The following SLC30A9 variants were observed in gnomAD, a reference collection of about 807,000 sequenced individuals.
The protein encoded by SLC30A9 is proton-coupled zinc antiporter SLC30A9, mitochondrial.
In SLC30A9, 58 loss-of-function variants were observed where a neutral mutation model predicts 87.5. The observed-to-expected ratio is 0.66, with a 90% CI of 0.54 to 0.82. SLC30A9 has a LOEUF of 0.82. SLC30A9 is among the 40% of genes least tolerant of loss of function. SLC30A9 has a pLI of 0.00. For synonymous variants in SLC30A9, 234 were observed against 233.0 expected (o/e 1.00, Z -0.04); for missense variants, 557 against 679.1 (o/e 0.82, Z 2.00).
At chr4:42,002,288 G>T (rs544181535) in intron 2 of SLC30A9, among the ~76,000 whole-genome samples, 3 of 151,688 alleles carry the variant, frequency 2.0e-5, no homozygotes, top group Non-Finnish European at 2.9e-5. Context: ...TTCAACTTTT[G>T]TTTAGATTCA....
chr4:42,029,497 C>A, intron 6 of SLC30A9: 1 of 672,258 alleles, frequency 1.5e-6, no homozygotes, highest in South Asian at 1.6e-5. Flanking sequence ...TCCTAATGAT[C>A]CCAAGCACTG....
At chr4:42,018,514 T>G in intron 3 of SLC30A9, 1 of 922,242 alleles carries the variant, frequency 1.1e-6, no homozygotes, top group Non-Finnish European at 1.4e-6. Flanking sequence ...AGGTAGAGTT[T>G]GGCCGTTATT....
chr4:42,070,096 C>A (rs2153140553), intron 14 of SLC30A9: 1 of 153,846 alleles, frequency 6.5e-6, no homozygotes, highest in African/African-American at 2.4e-5. Flanking sequence ...GGGCTTAATT[C>A]TCTTACAGAA....
intron 2 of SLC30A9, among the ~76,000 whole-genome samples, chr4:42,016,792 A>G (rs1394220976): frequency 1.7e-5 from 1 of 57,254 alleles, no homozygotes; most frequent in Non-Finnish European, 3.5e-5. Context: ...TGAATATAAC[A>G]TGGTCTATCT....
At chr4:42,008,304 G>T (rs570816736) in intron 2 of SLC30A9, among the ~76,000 whole-genome samples, 11 of 152,268 alleles carry the variant, frequency 7.2e-5, no homozygotes, top group Middle Eastern at 3.4e-3. Flanking sequence ...CACCCAGTAA[G>T]TCTTTAATAC....
At chr4:42,005,787 T>G (rs1715175848) in intron 2 of SLC30A9, among the ~76,000 whole-genome samples, 1 of 152,228 alleles carries the variant, frequency 6.6e-6, no homozygotes, top group Non-Finnish European at 1.5e-5. Flanking sequence ...AAAGGAAGCA[T>G]TAAAGGAAGT....
intron 16 of SLC30A9, among the ~76,000 whole-genome samples, chr4:42,077,851 C>T (rs1179677440): frequency 6.6e-6 from 1 of 151,880 alleles, no homozygotes; most frequent in African/African-American, 2.4e-5. Flanking sequence ...ATATTCTCTT[C>T]TCATCTAGTA....
intron 16 of SLC30A9, among the ~76,000 whole-genome samples, chr4:42,077,634 A>G (rs2153141204): frequency 6.6e-6 from 1 of 152,094 alleles, no homozygotes; most frequent in Admixed American, 6.5e-5. Flanking sequence ...GAACTCCTGG[A>G]AAGGTCTTTA....
chr4:42,011,601 A>C (rs144276108), intron 2 of SLC30A9, among the ~76,000 whole-genome samples: 3 of 152,348 alleles, frequency 2.0e-5, no homozygotes, highest in African/African-American at 4.8e-5. Flanking sequence ...TATTCAGGGT[A>C]AGATGGTGAA....
At chr4:42,045,701 A>AC in intron 8 of SLC30A9, among the ~76,000 whole-genome samples, 1 of 152,138 alleles carries the variant, frequency 6.6e-6, no homozygotes, top group South Asian at 2.1e-4. Context: ...GAAAAGAAGG[A>AC]CTCCTCCTCA....
At chr4:42,039,920 A>G (rs1716850835) in intron 8 of SLC30A9, among the ~76,000 whole-genome samples, 1 of 143,164 alleles carries the variant, frequency 7.0e-6, no homozygotes, top group South Asian at 2.3e-4. Flanking sequence ...TATCAGTGTG[A>G]TAGGATATGA....
intron 11 of SLC30A9, 54 bp downstream of exon 11, chr4:42,063,175 T>A: frequency 6.5e-7 from 1 of 1,547,920 alleles, no homozygotes; most frequent in Non-Finnish European, 8.9e-7. Context: ...AGTGATTGTG[T>A]ACAGTAGAAG....
At chr4:42,083,769 AT>A (rs1002990866) in intron 17 of SLC30A9, among the ~76,000 whole-genome samples, 16 of 151,748 alleles carry the variant, frequency 1.1e-4, no homozygotes, top group African/African-American at 3.4e-4. Flanking sequence ...TGTTTGGAGA[AT>A]TTTTTTTTAA....
At chr4:42,018,940 A>AT (rs1488148295) in intron 3 of SLC30A9, among the ~76,000 whole-genome samples, 2 of 151,956 alleles carry the variant, frequency 1.3e-5, no homozygotes, top group African/African-American at 2.4e-5. Context: ...TTTTTTAAAA[A>AT]TTTTTTAAAA....
intron 9 of SLC30A9, among the ~76,000 whole-genome samples, chr4:42,055,807 A>T (rs2153139202): frequency 6.6e-6 from 1 of 152,324 alleles, no homozygotes; most frequent in South Asian, 2.1e-4. Context: ...CTTCTAAGGT[A>T]CCATTTATGC....
rs79774083 is a variant in SLC30A9 at position 42,071,590 on chromosome 4, G to A, written c.1418+899G>A. On this transcript the variant is annotated intron_variant, in intron 15 of 17. Coordinates refer to ENST00000264451, the MANE Select transcript of SLC30A9 (RefSeq NM_006345.4). ...AGGCAGGAGGATCACTTGAGGCCAC[G>A]AGTTTGAGGCTAGTGTGCAATGATC... is the stretch of plus-strand genomic sequence containing the variant. Among the ~76,000 whole-genome samples, 13 of 151,246 alleles carry A rather than the reference G, an allele frequency of 8.6e-5. No homozygotes were observed. The East Asian group carries it at 2.1e-3, about 25-fold the overall frequency.
At chr4:42,017,579 T>A (rs997126007) in intron 2 of SLC30A9, among the ~76,000 whole-genome samples, 1 of 152,092 alleles carries the variant, frequency 6.6e-6, no homozygotes, top group African/African-American at 2.4e-5. Flanking sequence ...TTGTTTTTTC[T>A]TTATGGTGGG....
Position 42,002,402 on chromosome 4 carries a change from T to C in SLC30A9, c.274+622T>C, listed in dbSNP as rs558003748. Among the ~76,000 whole-genome samples the C allele has an allele frequency of 4.6e-5, 7 of 151,964 alleles. 1 individual carries two copies. In the South Asian group the frequency reaches 1.5e-3, roughly 32 times the overall value. On this transcript the variant is annotated intron_variant, in intron 2 of 17. Coordinates refer to ENST00000264451, the MANE Select transcript of SLC30A9 (RefSeq NM_006345.4). ...GATAGTCAGCATAGTACCAAATAGT[T>C]TTTCAACCATTGCTGCCCTCTCTCT...
chr4:42,005,364 C>T (rs1715158032), intron 2 of SLC30A9, among the ~76,000 whole-genome samples: 1 of 152,186 alleles, frequency 6.6e-6, no homozygotes, highest in Non-Finnish European at 1.5e-5. Context: ...CAGACTGTAA[C>T]TTGTGTTAGG....
Sources: gnomAD v4.1 joint callset for allele counts (sites outside exome capture counted in the v4.1 genomes callset) on GRCh38, gnomAD v4.1.1 for gene constraint, MANE v1.5 for transcripts, NCBI Gene and HGNC (gene_info 2026-07-23, HGNC 2026-07-21) for gene names.